Variants in CLSTN2 observed in about 807,000 individuals in gnomAD.
CLSTN2 encodes the protein calsyntenin-2.
Under a neutral mutation model 101.2 loss-of-function variants are expected in CLSTN2, and 48 were observed. The observed-to-expected ratio is 0.47, with a 90% CI of 0.38 to 0.60. CLSTN2 has a LOEUF of 0.60. CLSTN2 is among the 20% of genes least tolerant of loss of function. The pLI, the probability that CLSTN2 is intolerant of heterozygous loss-of-function variation, is 0.00. For missense variants in CLSTN2, 1,160 were observed against 1,238.2 expected, an observed-to-expected ratio of 0.94 and a Z score of 0.95; for synonymous variants, 481 against 463.6, an observed-to-expected ratio of 1.04 and a Z score of -0.48.
intron 1 of CLSTN2, among the ~76,000 whole-genome samples, chr3:140,108,516 G>A (rs2009099985): frequency 1.3e-5 from 2 of 152,176 alleles, no homozygotes; most frequent in African/African-American, 4.8e-5. Flanking sequence ...TTTACCTGCA[G>A]CTAGAAGTCC....
intron 1 of CLSTN2, among the ~76,000 whole-genome samples, chr3:140,030,284 T>C (rs1347010634): frequency 6.6e-6 from 1 of 152,198 alleles, no homozygotes; most frequent in Non-Finnish European, 1.5e-5. Context: ...AACATGGATG[T>C]GAAGAGTTGG....
chr3:139,966,837 C>G (rs1250979274), intron 1 of CLSTN2, among the ~76,000 whole-genome samples: 1 of 152,054 alleles, frequency 6.6e-6, no homozygotes, highest in Non-Finnish European at 1.5e-5. Context: ...GTGGGCAGGA[C>G]CCAAGGTAGA....
At chr3:140,535,517 T>C (rs1056224725) in intron 9 of CLSTN2, among the ~76,000 whole-genome samples, 7 of 152,202 alleles carry the variant, frequency 4.6e-5, no homozygotes, top group Non-Finnish European at 1.0e-4. Context: ...ATGACAAGGG[T>C]GTTCACCAAG....
At chr3:139,950,717 A>T (rs911887212) in intron 1 of CLSTN2, among the ~76,000 whole-genome samples, 2 of 152,240 alleles carry the variant, frequency 1.3e-5, no homozygotes, top group Non-Finnish European at 2.9e-5. Flanking sequence ...AATTTAACAA[A>T]TCAATATAAT....
At chr3:140,306,499 C>T (rs1266432398) in intron 2 of CLSTN2, among the ~76,000 whole-genome samples, 1 of 152,138 alleles carries the variant, frequency 6.6e-6, no homozygotes, top group Non-Finnish European at 1.5e-5. Context: ...CAGGTTGAAC[C>T]TTTGTAAAGT....
intron 2 of CLSTN2, among the ~76,000 whole-genome samples, chr3:140,319,875 A>T (rs886860945): frequency 6.6e-6 from 1 of 152,264 alleles, no homozygotes; most frequent in Non-Finnish European, 1.5e-5. Context: ...GTGGCAACTC[A>T]GTCACCTCCC....
At chr3:140,105,327 C>A (rs1047827159) in intron 1 of CLSTN2, among the ~76,000 whole-genome samples, 2 of 152,314 alleles carry the variant, frequency 1.3e-5, no homozygotes, top group Admixed American at 6.5e-5. Flanking sequence ...CCCAAGTGAG[C>A]ACAGTTCCTG....
intron 2 of CLSTN2, among the ~76,000 whole-genome samples, chr3:140,307,824 G>C (rs552486715): frequency 4.6e-5 from 7 of 152,208 alleles, no homozygotes; most frequent in South Asian, 2.1e-4. Flanking sequence ...GCTCTTTAAG[G>C]CTTCTGGTAT....
At position 140,203,946 on chromosome 3, in the gene CLSTN2, G is replaced by A. The variant is rs899881380; in HGVS notation, c.232+27873G>A. 1.9e-4 allele frequency among the ~76,000 whole-genome samples: 29 copies of A among 152,210 alleles called. 1 individual carries two copies. Among genetic ancestry groups the A allele is most frequent in the Non-Finnish European group, 1.8e-4 (12 of 68,038 alleles). On this transcript the variant is annotated intron_variant, in intron 2 of 16. Transcript: ENST00000458420. ...AGAAATGTGTCTCTCCAGGGTCTTG[G>A]TTAGGAGGAGGCAGCTAGGACCACT...
intron 2 of CLSTN2, among the ~76,000 whole-genome samples, chr3:140,364,684 G>A (rs997816620): frequency 1.3e-5 from 2 of 152,106 alleles, no homozygotes; most frequent in Non-Finnish European, 2.9e-5. Flanking sequence ...CAGGGGGAGG[G>A]CCAGTATAGA....
At chr3:140,106,115 T>C (rs1463533715) in intron 1 of CLSTN2, among the ~76,000 whole-genome samples, 2 of 152,048 alleles carry the variant, frequency 1.3e-5, no homozygotes, top group African/African-American at 2.4e-5. Context: ...AAAGAACTGG[T>C]CTTTGTTCTT....
chr3:140,329,111 G>A (rs1411093119), intron 2 of CLSTN2, among the ~76,000 whole-genome samples: 1 of 152,192 alleles, frequency 6.6e-6, no homozygotes, highest in East Asian at 1.9e-4. Context: ...TGTTGGCCGG[G>A]CATGGTGGCT....
chr3:140,202,058 C>T (rs1302058671), intron 2 of CLSTN2, among the ~76,000 whole-genome samples: 1 of 152,146 alleles, frequency 6.6e-6, no homozygotes, highest in Non-Finnish European at 1.5e-5. Flanking sequence ...TTAGGGAAAG[C>T]CTGGAGGTCA....
chr3:140,135,117 C>CACATATATATATATAT (rs1488268767), intron 1 of CLSTN2, among the ~76,000 whole-genome samples: 1 of 58,106 alleles, frequency 1.7e-5, no homozygotes, highest in African/African-American at 8.6e-5. Flanking sequence ...CACACACACA[C>CACATATATATATATAT]ATATATATAT....
intron 2 of CLSTN2, among the ~76,000 whole-genome samples, chr3:140,187,927 A>T (rs554887069): frequency 6.6e-6 from 1 of 152,142 alleles, no homozygotes; most frequent in East Asian, 1.9e-4. Context: ...CTTCCACCCC[A>T]CCCAGGACTT....
chr3:140,316,150 C>T lies in CLSTN2; in HGVS notation c.233-87479C>T, dbSNP rs895123573. Among the ~76,000 whole-genome samples the T allele has an allele frequency of 2.6e-5, 4 of 152,170 alleles. No individual in the cohort carries two copies. In the East Asian group the frequency reaches 7.7e-4, roughly 29 times the overall value. On this transcript the variant is annotated intron_variant, in intron 2 of 16. Transcript: ENST00000458420. ...AAATGAAACCCAGCCATGCTCTTTA[C>T]AGCCCAGCTGGGGATAGATAGATTA...
intron 1 of CLSTN2, among the ~76,000 whole-genome samples, chr3:140,057,467 C>G (rs2008117870): frequency 1.3e-5 from 2 of 152,196 alleles, no homozygotes; most frequent in South Asian, 4.1e-4. Context: ...TCTTAGATCC[C>G]TTTCATCACT....
intron 2 of CLSTN2, among the ~76,000 whole-genome samples, chr3:140,305,583 A>G (rs1262903463): frequency 6.6e-6 from 1 of 152,184 alleles, no homozygotes; most frequent in Non-Finnish European, 1.5e-5. Context: ...GAACCCTGGG[A>G]TGCCTTGTTG....
intron 2 of CLSTN2, among the ~76,000 whole-genome samples, chr3:140,279,982 T>A (rs1272229053): frequency 6.6e-6 from 1 of 152,184 alleles, no homozygotes. Flanking sequence ...CACTCTCTTG[T>A]CAGTCCCCAG....
Sources: allele counts gnomAD v4.1 joint callset (sites outside exome capture counted in the v4.1 genomes callset), GRCh38; gene constraint gnomAD v4.1.1; transcripts MANE v1.5; gene names NCBI Gene and HGNC (gene_info 2026-07-23, HGNC 2026-07-21).